The following ASTN2 variants were observed in gnomAD, a reference collection of about 807,000 sequenced individuals.
ASTN2 encodes astrotactin 2.
A neutral mutation model predicts 139.8 loss-of-function variants in ASTN2; 54 were observed. That is an observed-to-expected ratio of 0.39 (90% CI 0.31 to 0.48). ASTN2 has a LOEUF of 0.48. ASTN2 is among the 20% of genes least tolerant of loss of function. ASTN2 has a pLI of 0.95. For missense variants in ASTN2, 1,565 were observed against 1,725.1 expected (o/e 0.91, Z 1.64); for synonymous variants, 756 against 719.5 (o/e 1.05, Z -0.81).
chr9:116,820,573 ACTTC>A, intron 12 of ASTN2, 40 bp downstream of exon 12: 3 of 1,592,436 alleles, frequency 1.9e-6, no homozygotes, highest in Non-Finnish European at 2.6e-6. Context: ...TGCATCCCTC[ACTTC>A]TGTAAATGGG....
At chr9:117,274,445 G>A (rs1834137959) in intron 2 of ASTN2, among the ~76,000 whole-genome samples, 1 of 152,106 alleles carries the variant, frequency 6.6e-6, no homozygotes, top group Admixed American at 6.5e-5. Flanking sequence ...TAATCTGTAG[G>A]GTTCTTGGGA....
chr9:117,305,805 C>G (rs905544173), intron 1 of ASTN2, among the ~76,000 whole-genome samples: 1 of 152,194 alleles, frequency 6.6e-6, no homozygotes, highest in African/African-American at 2.4e-5. Flanking sequence ...CCTGACATTC[C>G]CATGACTTAA....
intron 4 of ASTN2, among the ~76,000 whole-genome samples, chr9:117,117,882 A>C (rs1829437950): frequency 6.6e-6 from 1 of 152,152 alleles, no homozygotes; most frequent in Non-Finnish European, 1.5e-5. Context: ...TGAACTTCGC[A>C]GGCTCTGGGG....
intron 13 of ASTN2, among the ~76,000 whole-genome samples, chr9:116,736,515 CGTGT>C (rs1217741316): frequency 1.3e-5 from 2 of 152,122 alleles, no homozygotes; most frequent in Non-Finnish European, 2.9e-5. Context: ...AGTGCCTGGG[CGTGT>C]GCTGAGCCCA....
intron 4 of ASTN2, among the ~76,000 whole-genome samples, chr9:117,102,737 G>A (rs892200677): frequency 6.6e-6 from 1 of 152,072 alleles, no homozygotes; most frequent in African/African-American, 2.4e-5. Context: ...GGCCAGGCTG[G>A]TCTTGAACTC....
At chr9:116,803,518 ATATATTTTT>A (rs1435874613) in intron 13 of ASTN2, among the ~76,000 whole-genome samples, 2 of 5,072 alleles carry the variant, frequency 3.9e-4, no homozygotes, top group African/African-American at 1.8e-3. Context: ...ATATATATAT[ATATATTTTT>A]TTTTTTTTTT....
At chr9:116,509,656 C>T (rs1256251066) in intron 19 of ASTN2, among the ~76,000 whole-genome samples, 1 of 151,418 alleles carries the variant, frequency 6.6e-6, no homozygotes, top group Non-Finnish European at 1.5e-5. Context: ...TTCTCCACAT[C>T]CTCTCCAGCA....
At chr9:117,339,160 C>G (rs1172522239) in intron 1 of ASTN2, among the ~76,000 whole-genome samples, 1 of 152,114 alleles carries the variant, frequency 6.6e-6, no homozygotes, top group African/African-American at 2.4e-5. Context: ...AATTTTCTCT[C>G]ACAACTGGTA....
At chr9:116,637,245 A>G (rs995765003) in intron 17 of ASTN2, among the ~76,000 whole-genome samples, 1 of 152,240 alleles carries the variant, frequency 6.6e-6, no homozygotes, top group South Asian at 2.1e-4. Flanking sequence ...CCAGGAGAGA[A>G]GAAAAAATCA....
At chr9:116,555,370 G>T (rs1852559392) in intron 19 of ASTN2, among the ~76,000 whole-genome samples, 1 of 152,164 alleles carries the variant, frequency 6.6e-6, no homozygotes, top group Admixed American at 6.5e-5. Context: ...GCCAAAGTGA[G>T]CTAGGGGCCC....
At chr9:116,530,492 T>C (rs1293819591) in intron 19 of ASTN2, among the ~76,000 whole-genome samples, 2 of 152,006 alleles carry the variant, frequency 1.3e-5, no homozygotes, top group Non-Finnish European at 2.9e-5. Flanking sequence ...GTGTTCTCAT[T>C]ATGAAAAATT....
At chr9:116,483,165 G>A (rs1040305906) in intron 20 of ASTN2, among the ~76,000 whole-genome samples, 15 of 152,292 alleles carry the variant, frequency 9.8e-5, no homozygotes, top group African/African-American at 2.2e-4. Context: ...ACCCACCCAC[G>A]GCAGCAGGAG....
At chr9:117,245,917 T>C (rs1833367156) in intron 2 of ASTN2, among the ~76,000 whole-genome samples, 1 of 152,150 alleles carries the variant, frequency 6.6e-6, no homozygotes. Flanking sequence ...CATAGAATCC[T>C]GTGTTTCATG....
chr9:116,990,533 A>C (rs1836823537), intron 7 of ASTN2, among the ~76,000 whole-genome samples: 1 of 152,074 alleles, frequency 6.6e-6, no homozygotes, highest in Non-Finnish European at 1.5e-5. Flanking sequence ...AGCCTCCCAA[A>C]GTGTTTGGAT....
At chr9:117,107,607 G>T (rs908168309) in intron 4 of ASTN2, among the ~76,000 whole-genome samples, 1 of 152,072 alleles carries the variant, frequency 6.6e-6, no homozygotes, top group African/African-American at 2.4e-5. Flanking sequence ...CCAGAATTGG[G>T]CATGCTAATT....
chr9:116,815,576 C>T (rs552554708), intron 12 of ASTN2, among the ~76,000 whole-genome samples: 210 of 151,866 alleles, frequency 1.4e-3, no homozygotes, highest in Non-Finnish European at 2.4e-3. Context: ...GAGGCTGAGG[C>T]GGGTGGATCA....
intron 10 of ASTN2, among the ~76,000 whole-genome samples, chr9:116,969,895 C>A (rs904541235): frequency 1.1e-4 from 16 of 152,170 alleles, no homozygotes; most frequent in Non-Finnish European, 1.9e-4. Flanking sequence ...CAAACTGGGG[C>A]AGCTTCAAAC....
chr9:116,626,367 G>A (rs1007645471), intron 17 of ASTN2, among the ~76,000 whole-genome samples: 9 of 150,432 alleles, frequency 6.0e-5, no homozygotes, highest in Admixed American at 6.0e-4. Flanking sequence ...GAACAAATAG[G>A]GCCCCAAAAA....
At chr9:116,611,018 T>C (rs1855510689) in intron 19 of ASTN2, 1 of 152,282 alleles carries the variant, frequency 6.6e-6, no homozygotes, top group Middle Eastern at 3.4e-3. Context: ...GAACACTGAA[T>C]ACAGCAATAG....
Sources: allele counts gnomAD v4.1 joint callset (sites outside exome capture counted in the v4.1 genomes callset), GRCh38; gene constraint gnomAD v4.1.1; transcripts MANE v1.5; gene names NCBI Gene and HGNC (gene_info 2026-07-23, HGNC 2026-07-21).